RARB: variants seen among roughly 807,000 people sequenced by gnomAD.
RARB encodes retinoic acid receptor beta.
A neutral mutation model predicts 51.9 loss-of-function variants in RARB; 17 were observed. That is an observed-to-expected ratio of 0.33 (90% CI 0.22 to 0.49). The LOEUF (loss-of-function observed/expected upper bound fraction) is 0.49, where lower values mean the gene tolerates loss of function less well. Ranked by LOEUF, RARB falls within the 20% of genes least tolerant of loss-of-function variation. RARB has a pLI of 0.99. For synonymous variants in RARB, 215 were observed against 195.4 expected (o/e 1.10, Z -0.84); for missense variants, 369 against 550.8 (o/e 0.67, Z 3.30).
chr3:25,488,746 T>C (rs1379231881), intron 2 of RARB, among the ~76,000 whole-genome samples: 2 of 152,342 alleles, frequency 1.3e-5, no homozygotes, highest in African/African-American at 2.4e-5. Context: ...TCAAGATATA[T>C]GTTTCTTCTG....
intron 3 of RARB, among the ~76,000 whole-genome samples, chr3:25,558,176 G>A (rs572296118): frequency 4.6e-5 from 7 of 152,162 alleles, no homozygotes; most frequent in Admixed American, 2.0e-4. Context: ...GTTTTCAAGC[G>A]CTTGGCCTCA....
At chr3:25,068,659 C>T (rs1430826613) in intron 3 of RARB, among the ~76,000 whole-genome samples, 1 of 152,098 alleles carries the variant, frequency 6.6e-6, no homozygotes, top group East Asian at 1.9e-4. Context: ...ACTAAAAGGA[C>T]TTGACTGGGC....
At chr3:25,590,024 G>A (rs1206835588) in intron 5 of RARB, among the ~76,000 whole-genome samples, 7 of 152,214 alleles carry the variant, frequency 4.6e-5, no homozygotes, top group Non-Finnish European at 2.9e-5. Context: ...TCACATGGGG[G>A]CCATCCTGTT....
chr3:25,218,843 C>T (rs1306136513), intron 5 of RARB, among the ~76,000 whole-genome samples: 1 of 151,716 alleles, frequency 6.6e-6, no homozygotes, highest in Non-Finnish European at 1.5e-5. Flanking sequence ...AGGACTAACA[C>T]TCGACTTTGC....
intron 3 of RARB, among the ~76,000 whole-genome samples, chr3:25,124,013 C>T (rs1315493308): frequency 6.6e-6 from 1 of 152,146 alleles, no homozygotes; most frequent in Non-Finnish European, 1.5e-5. Context: ...GGAAATTCTC[C>T]AAACTATGTT....
intron 5 of RARB, among the ~76,000 whole-genome samples, chr3:25,245,711 C>G (rs1702542919): frequency 6.6e-6 from 1 of 152,170 alleles, no homozygotes. Context: ...GGTAACCTGA[C>G]CTTTCTCTCT....
intron 5 of RARB, among the ~76,000 whole-genome samples, chr3:25,203,821 C>A (rs181118735): frequency 6.6e-6 from 1 of 152,300 alleles, no homozygotes; most frequent in Non-Finnish European, 1.5e-5. Flanking sequence ...TGATGGGCTT[C>A]CCTTTGCGGG....
chr3:25,445,056 TC>T (rs1407933954), intron 1 of RARB, among the ~76,000 whole-genome samples: 1 of 152,076 alleles, frequency 6.6e-6, no homozygotes, highest in Non-Finnish European at 1.5e-5. Flanking sequence ...TTCAAGTGAT[TC>T]TCCTGTCTCA....
At chr3:25,383,717 C>G (rs1706700888) in intron 5 of RARB, among the ~76,000 whole-genome samples, 1 of 152,152 alleles carries the variant, frequency 6.6e-6, no homozygotes, top group Admixed American at 6.5e-5. Flanking sequence ...CATCTGAGGT[C>G]AGGAGTTCAC....
At chr3:25,178,259 A>G (rs1042970442) in intron 5 of RARB, among the ~76,000 whole-genome samples, 1 of 152,134 alleles carries the variant, frequency 6.6e-6, no homozygotes, top group African/African-American at 2.4e-5. Flanking sequence ...TAATTTTTAT[A>G]GCATAGAGTT....
At chr3:24,909,358 G>A (rs1694940293) in intron 2 of RARB, among the ~76,000 whole-genome samples, 1 of 152,116 alleles carries the variant, frequency 6.6e-6, no homozygotes, top group Non-Finnish European at 1.5e-5. Flanking sequence ...GGTAAATAGA[G>A]CAATATCAAT....
intron 1 of RARB, among the ~76,000 whole-genome samples, chr3:25,460,900 G>A (rs1417513354): frequency 6.6e-6 from 1 of 152,142 alleles, no homozygotes; most frequent in Non-Finnish European, 1.5e-5. Context: ...CTTCCTTTGA[G>A]TTTCTGTTTC....
Position 25,157,830 on chromosome 3 carries a change from A to G in RARB, c.-279-16289A>G, listed in dbSNP as rs1161802003. Among the ~76,000 whole-genome samples the G allele has an allele frequency of 2.6e-5, 4 of 152,200 alleles. No individual in the cohort carries two copies. In the East Asian group the frequency reaches 7.7e-4, roughly 29 times the overall value. On this transcript the variant is annotated intron_variant, in intron 4 of 11. Coordinates refer to the RARB transcript ENST00000383772. ...TGCCTCTAACAGAAGCTTGATTGCT[A>G]TGGTTTGTTTCCTTGAATAAGACTC...
chr3:25,446,390 G>A (rs1486474041), intron 1 of RARB, among the ~76,000 whole-genome samples: 1 of 152,218 alleles, frequency 6.6e-6, no homozygotes, highest in Non-Finnish European at 1.5e-5. Flanking sequence ...CATTTTGTCT[G>A]TGACTGCCTT....
At chr3:25,425,171 G>A (rs1263786815), upstream of RARB, among the ~76,000 whole-genome samples, 1 of 152,254 alleles carries the variant, frequency 6.6e-6, no homozygotes, top group East Asian at 1.9e-4. Context: ...CCAACCCTGT[G>A]GCTAATGTTT....
intron 3 of RARB, among the ~76,000 whole-genome samples, chr3:25,544,310 T>G (rs1004431089): frequency 1.3e-5 from 2 of 152,240 alleles, no homozygotes; most frequent in Admixed American, 1.3e-4. Flanking sequence ...TTAGCAAGTT[T>G]CAGCAATTTC....
intron 2 of RARB, among the ~76,000 whole-genome samples, chr3:24,958,273 T>TG (rs1274555041): frequency 7.3e-6 from 1 of 137,810 alleles, no homozygotes; most frequent in African/African-American, 2.6e-5. Context: ...TTTTTTTTTT[T>TG]TTTTTTTTTT....
chr3:25,204,609 G>T (rs1701484996), intron 5 of RARB, among the ~76,000 whole-genome samples: 2 of 152,112 alleles, frequency 1.3e-5, no homozygotes, highest in South Asian at 2.1e-4. Flanking sequence ...TTTTGGTGTG[G>T]ATGTCCTTTC....
intron 2 of RARB, among the ~76,000 whole-genome samples, chr3:24,903,406 C>A (rs1575063395): frequency 6.6e-6 from 1 of 151,812 alleles, no homozygotes; most frequent in African/African-American, 2.4e-5. Context: ...TTAAGTTTCC[C>A]CGGTGTTTAG....
Sources: gnomAD v4.1 joint callset for allele counts (sites outside exome capture counted in the v4.1 genomes callset) on GRCh38, gnomAD v4.1.1 for gene constraint, MANE v1.5 for transcripts, NCBI Gene and HGNC (gene_info 2026-07-23, HGNC 2026-07-21) for gene names.